The following NELL2 variants were observed in gnomAD, a reference collection of about 807,000 sequenced individuals.
NELL2 encodes the protein neural EGFL like 2.
In NELL2, 41 loss-of-function variants were observed where a neutral mutation model predicts 109.6. The observed-to-expected ratio is 0.37, with a 90% confidence interval of 0.29 to 0.49. The LOEUF is 0.49. Among genes scored for constraint, NELL2 ranks in the 20% least tolerant of loss-of-function variants. The pLI, the probability that NELL2 is intolerant of heterozygous loss-of-function variation, is 0.98. For missense variants in NELL2, 900 were observed against 1,008.3 expected, an observed-to-expected ratio of 0.89 and a Z score of 1.45; for synonymous variants, 355 against 344.7, an observed-to-expected ratio of 1.03 and a Z score of -0.33.
chr12:44,752,365 C>T (rs1219593831), intron 9 of NELL2, among the ~76,000 whole-genome samples: 1 of 152,096 alleles, frequency 6.6e-6, no homozygotes, highest in Non-Finnish European at 1.5e-5. Context: ...TTTAAAAAGG[C>T]TTATTTTTTT....
chr12:44,791,080 T>TAC (rs199949841), intron 3 of NELL2, among the ~76,000 whole-genome samples: 521 of 30,946 alleles, frequency 0.017, 27 homozygotes, highest in African/African-American at 0.037. Context: ...TATATATATA[T>TAC]ACATATATAT....
chr12:44,908,843 C>A (rs913410360), intron 1 of NELL2, among the ~76,000 whole-genome samples: 2 of 151,894 alleles, frequency 1.3e-5, no homozygotes, highest in African/African-American at 2.4e-5. Context: ...TTATTTCAAT[C>A]ATTAATATTA....
intron 13 of NELL2, among the ~76,000 whole-genome samples, chr12:44,635,048 T>C (rs1322085009): frequency 6.6e-6 from 1 of 152,214 alleles, no homozygotes; most frequent in African/African-American, 2.4e-5. Flanking sequence ...TGATGAGTTT[T>C]TTTTCATGTT....
At chr12:44,671,397 C>T (rs1399775924) in intron 12 of NELL2, among the ~76,000 whole-genome samples, 1 of 151,964 alleles carries the variant, frequency 6.6e-6, no homozygotes, top group East Asian at 1.9e-4. Flanking sequence ...AAAGTGAGAA[C>T]AAACCAAACC....
chr12:44,810,000 A>G (rs566434137), intron 3 of NELL2, among the ~76,000 whole-genome samples: 58 of 152,206 alleles, frequency 3.8e-4, no homozygotes, highest in Non-Finnish European at 7.8e-4. Context: ...GCTGCCAGTT[A>G]GTGAATTCCT....
At chr12:44,910,312 A>G (rs758157437) in intron 1 of NELL2, among the ~76,000 whole-genome samples, 3 of 152,074 alleles carry the variant, frequency 2.0e-5, no homozygotes, top group Non-Finnish European at 4.4e-5. Flanking sequence ...GGCAAAAGAC[A>G]TAAGAGACAC....
intron 2 of NELL2, among the ~76,000 whole-genome samples, chr12:44,839,948 A>C (rs1419327280): frequency 6.6e-6 from 1 of 152,162 alleles, no homozygotes; most frequent in African/African-American, 2.4e-5. Flanking sequence ...TCTGATTCTC[A>C]GAATTCATTG....
intron 1 of NELL2, among the ~76,000 whole-genome samples, chr12:44,909,406 CAA>C (rs58464959): frequency 7.2e-6 from 1 of 138,842 alleles, no homozygotes; most frequent in Admixed American, 7.2e-5. Context: ...AGGAGAATGA[CAA>C]AAAAAAAAAT....
rs1245510883 is a variant in NELL2 at position 44,644,594 on chromosome 12, A to ATATATGTATGTG, written c.1444+20889_1444+20890insCACATACATATA. 1.6e-3 allele frequency among the ~76,000 whole-genome samples: 144 copies of ATATATGTATGTG among 92,466 alleles called. 1 individual carries two copies. Among genetic ancestry groups the ATATATGTATGTG allele is most frequent in the African/African-American group, 6.5e-3 (137 of 21,092 alleles). The allele number at this position is 92,466 out of a possible 152,430, so 60.7% of individuals were successfully genotyped here. On this transcript the variant is annotated intron_variant, in intron 13 of 19. Transcript: ENST00000429094. The stretch of plus-strand genomic sequence containing the variant: ...GACAAAGTAAAGTATATATATATAT[A>ATATATGTATGTG]TATATATATGTATGTATATATATAT...
chr12:44,682,974 A>C (rs1592326005), intron 12 of NELL2, among the ~76,000 whole-genome samples: 1 of 152,168 alleles, frequency 6.6e-6, no homozygotes, highest in East Asian at 1.9e-4. Context: ...AGGTAGTTTG[A>C]TGGGGATGAC....
At chr12:44,553,297 AAAT>A (rs1490468725) in intron 15 of NELL2, among the ~76,000 whole-genome samples, 1 of 151,412 alleles carries the variant, frequency 6.6e-6, no homozygotes, top group Non-Finnish European at 1.5e-5. Flanking sequence ...AAAAAAAAAA[AAAT>A]AAGTCTCTTC....
chr12:44,593,561 G>A (rs541032875), intron 15 of NELL2, among the ~76,000 whole-genome samples: 2 of 152,238 alleles, frequency 1.3e-5, no homozygotes, highest in Admixed American at 6.5e-5. Flanking sequence ...ATAAACATAC[G>A]TGTACATGTG....
intron 13 of NELL2, among the ~76,000 whole-genome samples, chr12:44,630,199 G>A (rs539128319): frequency 6.6e-6 from 1 of 152,144 alleles, no homozygotes; most frequent in Admixed American, 6.6e-5. Flanking sequence ...TTAGCTATTT[G>A]TTGAGCACTT....
intron 3 of NELL2, among the ~76,000 whole-genome samples, chr12:44,802,906 G>A (rs1340432138): frequency 6.6e-6 from 1 of 151,866 alleles, no homozygotes; most frequent in East Asian, 1.9e-4. Context: ...GGTCTGATGA[G>A]GATCAGGATA....
chr12:44,769,135 CA>C (rs1161747849), intron 9 of NELL2, among the ~76,000 whole-genome samples: 2 of 152,088 alleles, frequency 1.3e-5, no homozygotes, highest in African/African-American at 4.8e-5. Flanking sequence ...ACTTGAGCAG[CA>C]ATCATTTAAT....
intron 19 of NELL2, among the ~76,000 whole-genome samples, chr12:44,514,946 A>C (rs1941192174): frequency 6.6e-6 from 1 of 151,042 alleles, no homozygotes; most frequent in Non-Finnish European, 1.5e-5. Context: ...TAAGTTAATG[A>C]TATATATTAT....
At chr12:44,712,318 T>C (rs1938247500) in intron 10 of NELL2, among the ~76,000 whole-genome samples, 1 of 152,028 alleles carries the variant, frequency 6.6e-6, no homozygotes, top group Non-Finnish European at 1.5e-5. Context: ...CTCATTTATG[T>C]AAAGGACCTT....
intron 12 of NELL2, among the ~76,000 whole-genome samples, chr12:44,703,273 A>G (rs1937657274): frequency 6.6e-6 from 1 of 152,204 alleles, no homozygotes; most frequent in African/African-American, 2.4e-5. Flanking sequence ...TATTTACTAA[A>G]TACTACAGAG....
chr12:44,638,552 T>G (rs534121699), intron 13 of NELL2, among the ~76,000 whole-genome samples: 2 of 152,190 alleles, frequency 1.3e-5, no homozygotes, highest in East Asian at 3.9e-4. Context: ...AAGAGCTGAG[T>G]CTTGTAAGCA....
Sources: allele counts gnomAD v4.1 joint callset (sites outside exome capture counted in the v4.1 genomes callset), GRCh38; gene constraint gnomAD v4.1.1; transcripts MANE v1.5; gene names NCBI Gene and HGNC (gene_info 2026-07-23, HGNC 2026-07-21).